The following BAZ1A variants were observed in gnomAD, a reference collection of about 807,000 sequenced individuals.
BAZ1A encodes bromodomain adjacent to zinc finger domain protein 1A.
In BAZ1A, 50 loss-of-function variants were observed where a neutral mutation model predicts 185.2. That is an observed-to-expected ratio of 0.27 (90% CI 0.22 to 0.34). The LOEUF (loss-of-function observed/expected upper bound fraction) is 0.34. Ranked by LOEUF, BAZ1A falls within the 10% of genes least tolerant of loss-of-function variation. BAZ1A has a pLI of 1.00. For missense variants in BAZ1A, 1,356 were observed against 1,839.9 expected (o/e 0.74, Z 4.81); for synonymous variants, 571 against 615.6 (o/e 0.93, Z 1.07).
Position 34,774,459 on chromosome 14 carries a change from A to G in BAZ1A, c.2865T>C (p.Tyr955=), listed in dbSNP as rs780326782. The G allele has an allele frequency of 5.6e-6, 9 of 1,607,284 alleles. No homozygotes were observed. In the Admixed American group the frequency reaches 6.8e-5, roughly 12 times the overall value. The change falls in exon 19 of 27, where the codon TAT becomes TAC. Residue 955 remains tyrosine (Y), a synonymous_variant. Coordinates refer to ENST00000360310, the MANE Select transcript of BAZ1A (RefSeq NM_013448.3). ...ATGCATTGGAAGATCTTCCCCGACT[A>G]TATGTTGGTTTGCTATCAGGCTGAG... ...DKPQPDSKPT[Y]SRGRSSNAYD... is the part of the protein sequence containing the mutation.
chr14:34,761,886 G>A lies in BAZ1A; in HGVS notation c.4114C>T (p.Pro1372Ser), dbSNP rs759984179. ...KSANNTPENS[P>S]NFPNFRVIAT... ...ATGACTCTGAAGTTAGGGAAGTTGG[G>A]ACTATTTTCTGGTGTATTATTAGCA... The change falls in exon 24 of 27, where the codon CCC (proline) becomes TCC (serine). Residue 1372 changes from proline (P) to serine (S), a missense_variant. Physicochemically the swap from Pro to Ser is moderately conservative, Grantham distance 74 (BLOSUM62 -1). This residue lies in a region of BAZ1A where 309 missense variants were observed against 355.3 expected (regional missense o/e 0.87). Transcript: ENST00000360310. 22 of 1,614,076 alleles carry A rather than the reference G, an allele frequency of 1.4e-5. No individual in the cohort carries two copies. The East Asian group carries it at 4.9e-4, about 36-fold the overall frequency.
At chr14:34,796,208 C>A (rs1037047543) in intron 9 of BAZ1A, among the ~76,000 whole-genome samples, 1 of 138,684 alleles carries the variant, frequency 7.2e-6, no homozygotes, top group African/African-American at 2.5e-5. Flanking sequence ...GCATGCTGAG[C>A]GTGGTGGCAT....
At chr14:34,759,986 T>C (rs1283264607) in intron 24 of BAZ1A, among the ~76,000 whole-genome samples, 1 of 152,210 alleles carries the variant, frequency 6.6e-6, no homozygotes, top group East Asian at 1.9e-4. Context: ...CAGATCTTAA[T>C]TTTAATATCT....
Position 34,776,015 on chromosome 14 carries a change from G to A in BAZ1A, c.2737C>T (p.His913Tyr). Residue 913 changes from histidine (H) to tyrosine (Y), a missense_variant, in exon 18 of 27, where the codon CAT becomes TAT. Physicochemically the swap from His to Tyr is moderately conservative, Grantham distance 83. This residue lies in a region of BAZ1A where 434 missense variants were observed against 561.7 expected (regional missense o/e 0.77). Coordinates refer to ENST00000360310, the MANE Select transcript of BAZ1A (RefSeq NM_013448.3). The stretch of plus-strand genomic sequence containing the variant: ...GTTTCTTTTAAGGCACTTTCTCTAT[G>A]TCCTCTAGAATTAAGAGCTTCAATA... ...QLIEALNSRG[H>Y]RESALKETLL... 1.2e-6 allele frequency: 2 copies of A among 1,614,034 alleles called. No homozygotes were observed. The highest frequency in any genetic ancestry group is 8.5e-7 in the Non-Finnish European group (1 of 1,179,962).
intron 3 of BAZ1A, among the ~76,000 whole-genome samples, chr14:34,855,946 T>C (rs984615162): frequency 9.9e-5 from 15 of 152,144 alleles, no homozygotes; most frequent in African/African-American, 2.7e-4. Context: ...TTTACCCTTA[T>C]TGCACACTTA....
chr14:34,804,959 C>G (rs965395593), intron 6 of BAZ1A, among the ~76,000 whole-genome samples: 1 of 152,134 alleles, frequency 6.6e-6, no homozygotes, highest in African/African-American at 2.4e-5. Flanking sequence ...TCATCCAGAT[C>G]TCATGTGGAA....
rs577936229 is a variant in BAZ1A, at chr14:34,856,859, C to CAAAAAA, written c.392+5179_392+5184dup. Among the ~76,000 whole-genome samples, 3 of 74,034 alleles carry CAAAAAA rather than the reference C, an allele frequency of 4.1e-5. No homozygotes were observed. In the Admixed American group the frequency reaches 4.5e-4, roughly 11 times the overall value. 48.6% of individuals were successfully genotyped at this position (74,034 alleles called of 152,430 possible). On this transcript the variant is annotated intron_variant, in intron 3 of 26. Transcript: ENST00000360310. ...GGGCAGTGAGAACGAAACTCGGTCT[C>CAAAAAA]AAAAAAAAAAAAAAAAAAAAGTCAC... is the stretch of plus-strand genomic sequence containing the variant.
At chr14:34,765,360 AT>A in intron 21 of BAZ1A, 92 bp from the exon 22 acceptor site, 1 of 1,441,220 alleles carries the variant, frequency 6.9e-7, no homozygotes, top group Non-Finnish European at 9.3e-7. Context: ...TATAGGTTAG[AT>A]TTTACATTTC....
intron 4 of BAZ1A, among the ~76,000 whole-genome samples, chr14:34,816,430 C>A (rs933619049): frequency 2.6e-5 from 4 of 152,104 alleles, no homozygotes; most frequent in Non-Finnish European, 4.4e-5. Context: ...TCCTGCAAAT[C>A]ACCATCAGGA....
At chr14:34,780,340 C>A in intron 16 of BAZ1A, 30 bp from the exon 17 acceptor site, 1 of 1,583,084 alleles carries the variant, frequency 6.3e-7, no homozygotes, top group Non-Finnish European at 8.6e-7. Flanking sequence ...ATGACATTTA[C>A]TAATGAATAT....
At chr14:34,854,852 G>A (rs1646337820) in intron 3 of BAZ1A, among the ~76,000 whole-genome samples, 1 of 152,170 alleles carries the variant, frequency 6.6e-6, no homozygotes, top group Non-Finnish European at 1.5e-5. Flanking sequence ...GGCTGAGGTT[G>A]GCGGATCACC....
intron 3 of BAZ1A, among the ~76,000 whole-genome samples, chr14:34,839,965 AG>A (rs1224381588): frequency 3.3e-4 from 50 of 152,186 alleles, no homozygotes; most frequent in Admixed American, 2.7e-3. Context: ...ATTTTAGCTT[AG>A]GCAAATTCTA....
chr14:34,761,864 A>C lies in BAZ1A; in HGVS notation c.4136T>G (p.Val1379Gly). 6.2e-7 allele frequency: 1 copy of C among 1,614,088 alleles called. No homozygotes were observed. The highest frequency in any genetic ancestry group is 1.1e-5 in the South Asian group (1 of 91,084). The change falls in exon 24 of 27, where the codon GTC becomes GGC. Residue 1379 changes from valine (V) to glycine (G), a missense_variant. Val to Gly is a moderately radical substitution (Grantham distance 109). This residue lies in a region of BAZ1A where 309 missense variants were observed against 355.3 expected (regional missense o/e 0.87). Coordinates refer to ENST00000360310, the MANE Select transcript of BAZ1A (RefSeq NM_013448.3). ...ENSPNFPNFRVIATKSSEQSR... is the reference protein window; with the variant it reads ...ENSPNFPNFRGIATKSSEQSR... ...CTGTTCACTTGACTTTGTGGCAATG[A>C]CTCTGAAGTTAGGGAAGTTGGGACT...
In BAZ1A at chr14:34,872,246, A is replaced by G. The variant is rs376275586; in HGVS notation, c.113+2246T>C. 1.2e-4 allele frequency among the ~76,000 whole-genome samples: 19 copies of G among 152,338 alleles called. No individual in the cohort carries two copies. The East Asian group carries it at 2.3e-3, about 19-fold the overall frequency. Reference sequence around the variant, plus strand: ...AAACAAAAATTGAAAATAAAAACCTAGTTATTTAAAATGTTTAAATGCCCT... The same window carrying G: ...AAACAAAAATTGAAAATAAAAACCTGGTTATTTAAAATGTTTAAATGCCCT... On this transcript the variant is annotated intron_variant, in intron 2 of 26. Transcript: ENST00000360310.
chr14:34,848,687 T>C (rs541841361), intron 3 of BAZ1A, among the ~76,000 whole-genome samples: 1 of 152,348 alleles, frequency 6.6e-6, no homozygotes, highest in Non-Finnish European at 1.5e-5. Flanking sequence ...GCAGCACATA[T>C]ATTGAACAAT....
rs376631125 is a variant in BAZ1A at position 34,772,115 on chromosome 14, C to T, written c.3153-456G>A. ...GACTACAGGTGCCCACCACCGTGCC[C>T]GGCTAATTTTTTGTATTTTTAGTAG... On this transcript the variant is annotated intron_variant, in intron 20 of 26. Transcript: ENST00000360310. Among the ~76,000 whole-genome samples the T allele has an allele frequency of 3.8e-4, 57 of 151,956 alleles. 1 individual carries two copies. Among genetic ancestry groups the T allele is most frequent in the African/African-American group, 1.3e-3 (54 of 41,482 alleles).
At chr14:34,869,436 CAG>C (rs2042917800) in intron 2 of BAZ1A, among the ~76,000 whole-genome samples, 1 of 152,096 alleles carries the variant, frequency 6.6e-6, no homozygotes, top group Non-Finnish European at 1.5e-5. Flanking sequence ...CAGAAAGAGA[CAG>C]AACTATCTCA....
intron 2 of BAZ1A, among the ~76,000 whole-genome samples, chr14:34,863,152 CTTTTTTTTTTTT>C (rs71121233): frequency 1.1e-4 from 5 of 44,690 alleles, no homozygotes; most frequent in East Asian, 5.9e-4. Flanking sequence ...CCACGCTCGG[CTTTTTTTTTTTT>C]TTTTTTTTTT....
intron 3 of BAZ1A, among the ~76,000 whole-genome samples, chr14:34,830,767 T>G (rs1031017291): frequency 6.8e-6 from 1 of 146,864 alleles, no homozygotes; most frequent in African/African-American, 2.5e-5. Context: ...TCTCTACAAC[T>G]CCTTTTTTTT....
Sources: allele counts gnomAD v4.1 joint callset (sites outside exome capture counted in the v4.1 genomes callset), GRCh38; gene constraint gnomAD v4.1.1; regional missense constraint gnomAD v4.1.1; transcripts MANE v1.5; gene names NCBI Gene and HGNC (gene_info 2026-07-23, HGNC 2026-07-21).